TRIM24: variants seen among roughly 807,000 people sequenced by gnomAD.
The protein encoded by TRIM24 is transcription intermediary factor 1-alpha.
In TRIM24, 29 loss-of-function variants were observed where a neutral mutation model predicts 123.9. That is an observed-to-expected ratio of 0.23 (90% confidence interval 0.17 to 0.32). The LOEUF (loss-of-function observed/expected upper bound fraction) is 0.32. TRIM24 is among the 10% of genes least tolerant of loss of function. The probability of loss-of-function intolerance (pLI) is 1.00; values close to 1 mark genes in which losing one functional copy is unlikely to be tolerated. For synonymous variants in TRIM24, 456 were observed against 461.1 expected, an observed-to-expected ratio of 0.99 and a Z score of 0.14; for missense variants, 932 against 1,295.3, an observed-to-expected ratio of 0.72 and a Z score of 4.31.
rs751055590 is a variant in TRIM24 at position 138,567,658 on chromosome 7, T to C, written c.1704+4T>C. The C allele has an allele frequency of 6.3e-7, 1 of 1,584,436 alleles. No homozygotes were observed. The highest frequency in any genetic ancestry group is 8.6e-7 in the Non-Finnish European group (1 of 1,167,864). ...GGCTCAACAAGCCATAAAACAGGTA[T>C]ATATCTACCTTCTTTTCTCAATTGC... is the stretch of plus-strand genomic sequence containing the variant. On this transcript the variant is annotated splice_donor_region_variant and intron_variant, in intron 10 of 18. Coordinates refer to ENST00000343526, the MANE Select transcript of TRIM24 (RefSeq NM_015905.3).
At chr7:138,469,760 A>G (rs1215323413) in intron 1 of TRIM24, among the ~76,000 whole-genome samples, 1 of 152,236 alleles carries the variant, frequency 6.6e-6, no homozygotes, top group Non-Finnish European at 1.5e-5. Context: ...ACTTCTTTTC[A>G]GAAATTGAGC....
chr7:138,568,963 C>T (rs1797596933), intron 10 of TRIM24, among the ~76,000 whole-genome samples: 1 of 152,222 alleles, frequency 6.6e-6, no homozygotes, highest in East Asian at 1.9e-4. Context: ...TTTGCCTTTG[C>T]TATATCATCA....
At chr7:138,529,972 G>GA (rs1488447258) in intron 6 of TRIM24, among the ~76,000 whole-genome samples, 1 of 152,068 alleles carries the variant, frequency 6.6e-6, no homozygotes, top group African/African-American at 2.4e-5. Flanking sequence ...AAGATTTGAG[G>GA]AAAAATAAGA....
At chr7:138,504,201 A>G (rs1796100062) in intron 1 of TRIM24, 89 bp from the exon 2 acceptor site, 5 of 790,138 alleles carry the variant, frequency 6.3e-6, no homozygotes, top group South Asian at 3.6e-5. Flanking sequence ...ATGGACATTG[A>G]AAAAGAACAA....
chr7:138,573,609 C>G lies in TRIM24; in HGVS notation c.1981C>G (p.Pro661Ala), dbSNP rs1449370386. 9.3e-6 allele frequency: 15 copies of G among 1,613,816 alleles called. No homozygotes were observed. Among genetic ancestry groups the G allele is most frequent in the Non-Finnish European group, 1.3e-5 (15 of 1,179,892 alleles). The change falls in exon 12 of 19, where the codon CCA (proline) becomes GCA (alanine). Residue 661 changes from proline to alanine, a missense_variant. Pro to Ala is a conservative substitution (Grantham distance 27). Coordinates refer to ENST00000343526, the MANE Select transcript of TRIM24 (RefSeq NM_015905.3). The part of the protein sequence containing the change: ...RPPSNRTVQS[P>A]NSSVPSPGLA... ...ACCCTCAAACAGAACGGTCCAGTCA[C>G]CAAATTCATCAGTGCCATCTCCAGG...
At chr7:138,483,724 G>A (rs1391306346) in intron 1 of TRIM24, among the ~76,000 whole-genome samples, 1 of 152,186 alleles carries the variant, frequency 6.6e-6, no homozygotes. Flanking sequence ...TTGCACTTGG[G>A]ACGGAGTAAA....
chr7:138,565,201 C>G (rs1320901336), intron 9 of TRIM24, among the ~76,000 whole-genome samples: 1 of 152,176 alleles, frequency 6.6e-6, no homozygotes. Context: ...CTCCCAGTTC[C>G]TCTTTCTCAA....
intron 7 of TRIM24, chr7:138,545,606 G>C: frequency 2.2e-6 from 1 of 448,772 alleles, no homozygotes; most frequent in Non-Finnish European, 4.5e-6. Context: ...AGATGTATAT[G>C]TCCATCTGTA....
intron 1 of TRIM24, among the ~76,000 whole-genome samples, chr7:138,489,049 A>T (rs1795719941): frequency 6.6e-6 from 1 of 152,156 alleles, no homozygotes; most frequent in Non-Finnish European, 1.5e-5. Context: ...GGGTGCATAT[A>T]TATTCAGGTT....
At position 138,583,850 on chromosome 7, in the gene TRIM24, G is replaced by A; in HGVS notation, c.2794G>A (p.Val932Met). 1 of 1,551,634 alleles carries A rather than the reference G, an allele frequency of 6.4e-7. No homozygotes were observed. The highest frequency in any genetic ancestry group is 8.7e-7 in the Non-Finnish European group (1 of 1,143,016). The part of the protein sequence containing the change: ...LAFQDPVPLT[V>M]PDYYKIIKNP... ...TTATAACATCTCATTTTTTTAATAG[G>A]TGCCTGATTATTACAAAATAATTAA... The change falls in exon 18 of 19, where the codon GTG (valine) becomes ATG (methionine). Residue 932 changes from valine to methionine, a missense_variant and splice_region_variant. Transcript: ENST00000343526.
intron 4 of TRIM24, among the ~76,000 whole-genome samples, chr7:138,521,197 A>G (rs1292953928): frequency 6.6e-6 from 1 of 152,200 alleles, no homozygotes; most frequent in African/African-American, 2.4e-5. Context: ...TTAGTAGAAG[A>G]AAAATAATAG....
intron 1 of TRIM24, among the ~76,000 whole-genome samples, chr7:138,468,967 C>G (rs1230709699): frequency 6.6e-6 from 1 of 152,210 alleles, no homozygotes; most frequent in African/African-American, 2.4e-5. Context: ...GTTAGGGAAT[C>G]AAGATTTAGG....
intron 6 of TRIM24, among the ~76,000 whole-genome samples, chr7:138,530,320 G>T (rs1796703738): frequency 6.6e-6 from 1 of 151,970 alleles, no homozygotes; most frequent in African/African-American, 2.4e-5. Flanking sequence ...TATTAGTAGT[G>T]CATACATTAC....
chr7:138,474,282 C>T (rs1584685874), intron 1 of TRIM24, among the ~76,000 whole-genome samples: 2 of 151,966 alleles, frequency 1.3e-5, no homozygotes, highest in Admixed American at 6.6e-5. Flanking sequence ...TCCGCTACTG[C>T]GCCCAGCTAA....
chr7:138,562,602 C>T lies in TRIM24; in HGVS notation c.1531-4879C>T, dbSNP rs573058162. 2.6e-5 allele frequency among the ~76,000 whole-genome samples: 4 copies of T among 152,228 alleles called. No homozygotes were observed. In the South Asian group the frequency reaches 8.3e-4, roughly 32 times the overall value. On this transcript the variant is annotated intron_variant, in intron 9 of 18. Transcript: ENST00000343526. ...TGTTTGTGAACACCTCATATGGCTT[C>T]CGGGAAAACCAGGTACTGGCAAACT... is the stretch of plus-strand genomic sequence containing the variant.
chr7:138,486,623 G>A (rs1795653875), intron 1 of TRIM24, among the ~76,000 whole-genome samples: 1 of 152,078 alleles, frequency 6.6e-6, no homozygotes, highest in Admixed American at 6.6e-5. Flanking sequence ...TTTTTGTCAG[G>A]TTTGTCGAAG....
At chr7:138,538,617 C>T in intron 6 of TRIM24, 40 bp from the exon 7 acceptor site, 1 of 1,607,294 alleles carries the variant, frequency 6.2e-7, no homozygotes, top group Non-Finnish European at 8.5e-7. Context: ...GTCTATGTTA[C>T]ATGCTGATAC....
chr7:138,512,597 G>A (rs775975337), intron 2 of TRIM24, among the ~76,000 whole-genome samples: 1 of 152,298 alleles, frequency 6.6e-6, no homozygotes, highest in Admixed American at 6.5e-5. Context: ...GTGAAGCAGT[G>A]GCCTGAGCTG....
At chr7:138,472,869 A>G (rs1257935727) in intron 1 of TRIM24, among the ~76,000 whole-genome samples, 2 of 152,130 alleles carry the variant, frequency 1.3e-5, no homozygotes, top group Non-Finnish European at 2.9e-5. Context: ...ACAAGCTCTT[A>G]AAAAAATTTT....
Sources: gnomAD v4.1 joint callset for allele counts (sites outside exome capture counted in the v4.1 genomes callset) on GRCh38, gnomAD v4.1.1 for gene constraint, MANE v1.5 for transcripts, NCBI Gene and HGNC (gene_info 2026-07-23, HGNC 2026-07-21) for gene names.